ROBO1: variants seen among roughly 807,000 people sequenced by gnomAD.
ROBO1 encodes the protein roundabout guidance receptor 1, also known as roundabout homolog 1.
A neutral mutation model predicts 195.9 loss-of-function variants in ROBO1; 149 were observed. The ratio of observed to expected loss-of-function variants is 0.76; its 90% CI spans 0.67 to 0.87. The LOEUF is 0.87. Ranked by LOEUF, ROBO1 falls within the 40% of genes least tolerant of loss-of-function variation. ROBO1 has a pLI of 0.00. For synonymous variants in ROBO1, 816 were observed against 733.2 expected (o/e 1.11, Z -1.82); for missense variants, 1,933 against 2,068.3 (o/e 0.93, Z 1.27).
At chr3:79,747,393 G>C (rs1177502380) in intron 1 of ROBO1, among the ~76,000 whole-genome samples, 1 of 151,998 alleles carries the variant, frequency 6.6e-6, no homozygotes, top group Non-Finnish European at 1.5e-5. Flanking sequence ...ATGTTAATGA[G>C]CTTGGATAAA....
intron 5 of ROBO1, 151 bp downstream of exon 5, chr3:78,746,592 G>C: frequency 1.9e-6 from 1 of 538,254 alleles, no homozygotes; most frequent in Non-Finnish European, 2.9e-6. Flanking sequence ...AGAAAGAATT[G>C]AAATATATAT....
intron 2 of ROBO1, among the ~76,000 whole-genome samples, chr3:79,142,113 A>T (rs535775232): frequency 6.6e-6 from 1 of 152,304 alleles, no homozygotes; most frequent in African/African-American, 2.4e-5. Context: ...TTAAGAAAAT[A>T]AAATAGCTAT....
At chr3:79,533,991 G>T (rs1051139718) in intron 2 of ROBO1, among the ~76,000 whole-genome samples, 8 of 151,866 alleles carry the variant, frequency 5.3e-5, no homozygotes, top group African/African-American at 1.5e-4. Context: ...GATAACTAAG[G>T]TTAGTCCAGT....
intron 2 of ROBO1, among the ~76,000 whole-genome samples, chr3:79,360,362 T>A (rs1246474661): frequency 2.6e-5 from 4 of 152,072 alleles, no homozygotes; most frequent in African/African-American, 9.6e-5. Context: ...CTGAGGTTTT[T>A]AAATTTTCTG....
At chr3:79,542,258 T>C (rs1942098973) in intron 2 of ROBO1, among the ~76,000 whole-genome samples, 2 of 152,020 alleles carry the variant, frequency 1.3e-5, no homozygotes, top group Non-Finnish European at 2.9e-5. Context: ...TGTACCATTA[T>C]ATTTGCTAAG....
intron 1 of ROBO1, among the ~76,000 whole-genome samples, chr3:79,740,004 CAT>C (rs1703553352): frequency 6.6e-6 from 1 of 151,874 alleles, no homozygotes; most frequent in South Asian, 2.1e-4. Flanking sequence ...TTGATAATCT[CAT>C]ATGATTTTTA....
Position 78,606,911 on chromosome 3 carries a change from T to G in ROBO1, c.4566A>C (p.Ser1522=), listed in dbSNP as rs1175978892. ...CCTTGTAACTGCTTCCTTTTCTGTC[T>G]GATGATCTGTCTGTTCTTGCATCCA... ...PSMDARTDRS[S]DRKGSSYKGR... is the part of the protein sequence containing the mutation. Residue 1522 remains serine, a synonymous_variant, in exon 29 of 31, where the codon TCA becomes TCC. Coordinates refer to ENST00000464233, the MANE Select transcript of ROBO1 (RefSeq NM_002941.4). 1.9e-6 allele frequency: 3 copies of G among 1,613,844 alleles called. No homozygotes were observed. Among genetic ancestry groups the G allele is most frequent in the Non-Finnish European group, 2.5e-6 (3 of 1,179,904 alleles).
chr3:79,082,768 A>G (rs2079297431), intron 3 of ROBO1, among the ~76,000 whole-genome samples: 1 of 152,004 alleles, frequency 6.6e-6, no homozygotes, highest in African/African-American at 2.4e-5. Flanking sequence ...CTCACTGTGT[A>G]CTCACTTGTA....
intron 2 of ROBO1, among the ~76,000 whole-genome samples, chr3:79,516,963 C>T (rs961361827): frequency 6.6e-6 from 1 of 152,178 alleles, no homozygotes; most frequent in Non-Finnish European, 1.5e-5. Context: ...GTTCCCCACA[C>T]TCTGGTCAAG....
chr3:78,711,398 CCTTTCTTT>C (rs1235633066), intron 8 of ROBO1, among the ~76,000 whole-genome samples: 2 of 39,954 alleles, frequency 5.0e-5, no homozygotes, highest in South Asian at 1.2e-3. Flanking sequence ...TTCCTTCCTT[CCTTTCTTT>C]CTTTCTTTCT....
chr3:79,231,855 A>G (rs1438432207), intron 2 of ROBO1, among the ~76,000 whole-genome samples: 1 of 152,218 alleles, frequency 6.6e-6, no homozygotes, highest in Non-Finnish European at 1.5e-5. Flanking sequence ...AAAATGCAGT[A>G]CATATACATC....
intron 3 of ROBO1, among the ~76,000 whole-genome samples, chr3:79,060,013 C>T (rs1273614105): frequency 6.6e-6 from 1 of 151,970 alleles, no homozygotes; most frequent in Non-Finnish European, 1.5e-5. Context: ...TTATTTTCCT[C>T]AGCAAGGAGT....
chr3:79,605,515 T>C (rs1193489820), intron 1 of ROBO1, among the ~76,000 whole-genome samples: 1 of 151,902 alleles, frequency 6.6e-6, no homozygotes, highest in African/African-American at 2.4e-5. Flanking sequence ...ATCTTTCCCT[T>C]CATCTCTCAT....
At chr3:79,603,536 C>T (rs771460562) in intron 1 of ROBO1, among the ~76,000 whole-genome samples, 5 of 151,916 alleles carry the variant, frequency 3.3e-5, no homozygotes, top group African/African-American at 7.2e-5. Flanking sequence ...ATCTAACCTG[C>T]GAGTGTTGGG....
intron 3 of ROBO1, among the ~76,000 whole-genome samples, chr3:79,058,188 A>C (rs2218644): frequency 0.99 from 150,400 of 152,116 alleles, 74,380 homozygotes; most frequent in Middle Eastern, 1. Context: ...TGTTAACTCA[A>C]ATGCAGTAAT....
chr3:78,839,657 A>C (rs1430373514), intron 4 of ROBO1, among the ~76,000 whole-genome samples: 24 of 152,180 alleles, frequency 1.6e-4, no homozygotes, highest in Admixed American at 1.6e-3. Flanking sequence ...AGCATGATTT[A>C]TCAACTTTAA....
intron 8 of ROBO1, among the ~76,000 whole-genome samples, chr3:78,706,187 CT>C (rs1346086455): frequency 6.6e-6 from 1 of 151,884 alleles, no homozygotes; most frequent in African/African-American, 2.4e-5. Flanking sequence ...CTGGAGGATG[CT>C]TATGTGAATC....
At chr3:79,634,446 T>C (rs1426868680) in intron 1 of ROBO1, among the ~76,000 whole-genome samples, 1 of 152,214 alleles carries the variant, frequency 6.6e-6, no homozygotes, top group Non-Finnish European at 1.5e-5. Flanking sequence ...TCAACAGTCT[T>C]AATATTTCCC....
intron 2 of ROBO1, among the ~76,000 whole-genome samples, chr3:79,481,960 G>A (rs2107384771): frequency 6.6e-6 from 1 of 152,244 alleles, no homozygotes; most frequent in Admixed American, 6.5e-5. Flanking sequence ...CATAGAAAAT[G>A]TATATCCTAT....
Sources: allele counts gnomAD v4.1 joint callset (sites outside exome capture counted in the v4.1 genomes callset), GRCh38; gene constraint gnomAD v4.1.1; transcripts MANE v1.5; gene names NCBI Gene and HGNC (gene_info 2026-07-23, HGNC 2026-07-21).